TMEM131: variants seen among roughly 807,000 people sequenced by gnomAD.
TMEM131 encodes the protein transmembrane protein 131, also known as 2610524E03Rik.
TMEM131 carries 66 observed loss-of-function variants against 211.6 expected under a neutral mutation model. The observed-to-expected ratio is 0.31, with a 90% CI of 0.26 to 0.38. TMEM131 has a LOEUF of 0.38. TMEM131 is among the 10% of genes least tolerant of loss of function. TMEM131 has a pLI of 1.00. For synonymous variants in TMEM131, 844 were observed against 841.3 expected, an observed-to-expected ratio of 1.00 and a Z score of -0.06; for missense variants, 2,036 against 2,299.3, an observed-to-expected ratio of 0.89 and a Z score of 2.34.
chr2:97,954,030 TTA>T (rs1244513715), intron 1 of TMEM131, among the ~76,000 whole-genome samples: 1 of 152,086 alleles, frequency 6.6e-6, no homozygotes, highest in Non-Finnish European at 1.5e-5. Context: ...ACCGAAACAC[TTA>T]TGTCACAGTG....
At chr2:97,806,962 A>G (rs574654586) in intron 19 of TMEM131, among the ~76,000 whole-genome samples, 1 of 152,246 alleles carries the variant, frequency 6.6e-6, no homozygotes, top group East Asian at 1.9e-4. Flanking sequence ...CAGTCACCGC[A>G]CTTGGCGTAC....
At chr2:97,801,239 T>C (rs1681020981) in intron 25 of TMEM131, among the ~76,000 whole-genome samples, 1 of 152,238 alleles carries the variant, frequency 6.6e-6, no homozygotes, top group Non-Finnish European at 1.5e-5. Context: ...AACAAGGGCA[T>C]GGTGGCCAAA....
chr2:97,788,193 G>T (rs1221842118), intron 31 of TMEM131, among the ~76,000 whole-genome samples: 1 of 152,126 alleles, frequency 6.6e-6, no homozygotes, highest in African/African-American at 2.4e-5. Flanking sequence ...CTGGGCTGCA[G>T]GGTACAAGTG....
At chr2:97,994,732 T>C (rs1369905387) in intron 1 of TMEM131, among the ~76,000 whole-genome samples, 1 of 152,228 alleles carries the variant, frequency 6.6e-6, no homozygotes, top group Non-Finnish European at 1.5e-5. Flanking sequence ...AAAATAATTT[T>C]TGACCCTGTC....
At chr2:97,937,404 A>T (rs1173709050) in intron 1 of TMEM131, among the ~76,000 whole-genome samples, 2 of 152,156 alleles carry the variant, frequency 1.3e-5, no homozygotes. Flanking sequence ...GAAAAATGAA[A>T]AGAGCCTGAG....
intron 5 of TMEM131, among the ~76,000 whole-genome samples, chr2:97,856,957 G>C (rs1673874814): frequency 6.6e-6 from 1 of 152,164 alleles, no homozygotes; most frequent in Non-Finnish European, 1.5e-5. Flanking sequence ...TCCATCATCT[G>C]ACAGCACAAA....
rs752690625 is a variant in TMEM131 at position 97,796,357 on chromosome 2, C to A, written c.3061G>T (p.Val1021Leu). 6.5e-7 allele frequency: 1 copy of A among 1,542,586 alleles called. No individual in the cohort carries two copies. The highest frequency in any genetic ancestry group is 8.7e-7 in the Non-Finnish European group (1 of 1,145,820). The change falls in exon 28 of 41, where the codon GTA (valine) becomes TTA (leucine). Residue 1021 changes from valine (V) to leucine (L), a missense_variant. Around this residue, in one of 3 missense-constraint regions of TMEM131, gnomAD observed 1,623 missense variants for 1,805.9 expected, o/e 0.90. Transcript: ENST00000186436. ...ATTTGAAGTTGTCCTGTATTCTCTACCTTAAATGTTCTTTTCAATGTGAAA... is the reference window on the plus strand; with the variant it reads ...ATTTGAAGTTGTCCTGTATTCTCTAACTTAAATGTTCTTTTCAATGTGAAA... The part of the protein sequence containing the change: ...PNFTLKRTFK[V>L]ENTGQLQIHI...
intron 3 of TMEM131, among the ~76,000 whole-genome samples, chr2:97,898,426 G>T (rs745608669): frequency 3.3e-5 from 5 of 152,044 alleles, no homozygotes; most frequent in Non-Finnish European, 7.4e-5. Context: ...GTGGAGACAG[G>T]GTCTATAAGC....
chr2:97,815,665 C>T (rs529348345), intron 12 of TMEM131, among the ~76,000 whole-genome samples: 2 of 152,078 alleles, frequency 1.3e-5, no homozygotes, highest in African/African-American at 2.4e-5. Flanking sequence ...TTCTTCGTTG[C>T]GGAGGCTGTT....
chr2:97,938,457 T>C (rs1677553094), intron 1 of TMEM131, among the ~76,000 whole-genome samples: 4 of 152,086 alleles, frequency 2.6e-5, no homozygotes, highest in African/African-American at 9.7e-5. Context: ...GGTAAAGGGA[T>C]CAATTCAACA....
chr2:97,874,762 G>A (rs893725129), intron 4 of TMEM131, among the ~76,000 whole-genome samples: 1 of 152,166 alleles, frequency 6.6e-6, no homozygotes, highest in African/African-American at 2.4e-5. Flanking sequence ...AGCATCCACT[G>A]TAAAAATATA....
intron 5 of TMEM131, among the ~76,000 whole-genome samples, chr2:97,847,560 C>T (rs1009966253): frequency 6.6e-6 from 1 of 152,114 alleles, no homozygotes; most frequent in Non-Finnish European, 1.5e-5. Flanking sequence ...ATATTGTGTT[C>T]ATGGGTTAGA....
At chr2:97,788,803 AT>A (rs912709471) in intron 31 of TMEM131, among the ~76,000 whole-genome samples, 1 of 152,164 alleles carries the variant, frequency 6.6e-6, no homozygotes, top group Non-Finnish European at 1.5e-5. Flanking sequence ...GCAAGTGTGG[AT>A]CAGCACCACT....
chr2:97,837,338 T>C (rs1294075309), intron 7 of TMEM131, among the ~76,000 whole-genome samples, 181 bp from the exon 8 acceptor site: 1 of 152,274 alleles, frequency 6.6e-6, no homozygotes, highest in African/African-American at 2.4e-5. Flanking sequence ...GCAATAGTTG[T>C]ATTTTTAATT....
At chr2:97,758,744 A>G in intron 40 of TMEM131, 149 bp downstream of exon 40, 1 of 1,037,600 alleles carries the variant, frequency 9.6e-7, no homozygotes, top group Non-Finnish European at 1.4e-6. Context: ...ATGAAGACAA[A>G]GCAATGGAGA....
chr2:97,894,432 C>T (rs1675517538), intron 3 of TMEM131, among the ~76,000 whole-genome samples: 1 of 152,082 alleles, frequency 6.6e-6, no homozygotes, highest in Non-Finnish European at 1.5e-5. Flanking sequence ...TCAATAGTAG[C>T]TTGATGGGGA....
intron 37 of TMEM131, 49 bp downstream of exon 37, chr2:97,760,741 TCCA>T: frequency 6.2e-7 from 1 of 1,613,964 alleles, no homozygotes; most frequent in South Asian, 1.1e-5. Context: ...CAGAGGTCAT[TCCA>T]CCAGGCCTGG....
At chr2:97,929,145 T>G (rs1287591701) in intron 1 of TMEM131, among the ~76,000 whole-genome samples, 3 of 151,354 alleles carry the variant, frequency 2.0e-5, no homozygotes, top group Non-Finnish European at 4.4e-5. Context: ...GAGATGAGAA[T>G]GGAGCATCCT....
At chr2:97,871,792 C>T (rs1674498594) in intron 4 of TMEM131, among the ~76,000 whole-genome samples, 1 of 152,166 alleles carries the variant, frequency 6.6e-6, no homozygotes, top group Non-Finnish European at 1.5e-5. Context: ...TGTGGCTGGC[C>T]TCATGTTAGT....
Sources: gnomAD v4.1 joint callset for allele counts (sites outside exome capture counted in the v4.1 genomes callset) on GRCh38, gnomAD v4.1.1 for gene constraint, gnomAD v4.1.1 regional missense constraint, MANE v1.5 for transcripts, NCBI Gene and HGNC (gene_info 2026-07-23, HGNC 2026-07-21) for gene names.